The following ARHGAP10 variants were observed in gnomAD, a reference collection of about 807,000 sequenced individuals.
The protein encoded by ARHGAP10 is rho GTPase-activating protein 10.
Under a neutral mutation model 108.6 loss-of-function variants are expected in ARHGAP10, and 87 were observed. The observed-to-expected ratio is 0.80, with a 90% confidence interval of 0.67 to 0.96. ARHGAP10 has a LOEUF of 0.96. ARHGAP10 is among the 40% of genes least tolerant of loss of function. The pLI, the probability that ARHGAP10 is intolerant of heterozygous loss-of-function variation, is 0.00. For missense variants in ARHGAP10, 939 were observed against 954.5 expected, an observed-to-expected ratio of 0.98 and a Z score of 0.21; for synonymous variants, 347 against 341.1, an observed-to-expected ratio of 1.02 and a Z score of -0.19.
At chr4:147,982,546 CTTTTTTTTTTTTTT>C (rs753773443) in intron 18 of ARHGAP10, among the ~76,000 whole-genome samples, 2 of 66,270 alleles carry the variant, frequency 3.0e-5, no homozygotes, top group Non-Finnish European at 5.2e-5. Context: ...CCAGCTAAAT[CTTTTTTTTTTTTTT>C]TTTTTTTTTT....
chr4:147,998,770 A>G (rs1488419521), intron 18 of ARHGAP10, among the ~76,000 whole-genome samples: 1 of 152,244 alleles, frequency 6.6e-6, no homozygotes, highest in Non-Finnish European at 1.5e-5. Flanking sequence ...TTAATTCGTG[A>G]TACCATACTT....
At chr4:147,871,845 A>G (rs116479357) in intron 7 of ARHGAP10, among the ~76,000 whole-genome samples, 2,519 of 152,282 alleles carry the variant, frequency 0.017, 65 homozygotes, top group African/African-American at 0.056. Context: ...TCACGCCTAT[A>G]ATCCCAGCAC....
chr4:147,809,760 T>A (rs1046741451), intron 1 of ARHGAP10, among the ~76,000 whole-genome samples: 5 of 152,144 alleles, frequency 3.3e-5, no homozygotes, highest in African/African-American at 1.2e-4. Flanking sequence ...TGCATGACAT[T>A]TATCATTAGA....
At chr4:147,810,225 A>G (rs941056085) in intron 1 of ARHGAP10, among the ~76,000 whole-genome samples, 1 of 152,226 alleles carries the variant, frequency 6.6e-6, no homozygotes, top group Non-Finnish European at 1.5e-5. Flanking sequence ...ATTGTTCGAA[A>G]CATAGTTGGC....
intron 8 of ARHGAP10, among the ~76,000 whole-genome samples, chr4:147,878,105 T>TA (rs1316198211): frequency 6.7e-6 from 1 of 148,730 alleles, no homozygotes; most frequent in Non-Finnish European, 1.5e-5. Flanking sequence ...CCCAGCTAAT[T>TA]TTTTTTTTTT....
chr4:147,766,307 C>T (rs980379030), intron 1 of ARHGAP10, among the ~76,000 whole-genome samples: 8 of 150,190 alleles, frequency 5.3e-5, no homozygotes, highest in African/African-American at 1.5e-4. Flanking sequence ...TAAAAAAGGT[C>T]GTATTTGCAT....
chr4:147,847,089 C>CG, intron 3 of ARHGAP10, 62 bp from the exon 4 acceptor site: 1 of 1,379,398 alleles, frequency 7.2e-7, no homozygotes, highest in South Asian at 1.2e-5. Flanking sequence ...AAATGAAATA[C>CG]TAATTTTTTC....
chr4:148,054,214 G>A (rs1460457124), intron 20 of ARHGAP10, among the ~76,000 whole-genome samples: 1 of 152,216 alleles, frequency 6.6e-6, no homozygotes, highest in Non-Finnish European at 1.5e-5. Flanking sequence ...CGTTTACATT[G>A]GTAAGTCACT....
chr4:147,811,193 G>C (rs1732001417), intron 1 of ARHGAP10, among the ~76,000 whole-genome samples: 1 of 152,202 alleles, frequency 6.6e-6, no homozygotes, highest in Non-Finnish European at 1.5e-5. Context: ...GCAACCCTCA[G>C]TCCCACCCAA....
chr4:148,060,942 T>G (rs1020813442), intron 20 of ARHGAP10, among the ~76,000 whole-genome samples: 6 of 152,134 alleles, frequency 3.9e-5, no homozygotes, highest in Non-Finnish European at 8.8e-5. Context: ...TGTTCCTGTT[T>G]TGGGATGAGA....
intron 1 of ARHGAP10, among the ~76,000 whole-genome samples, chr4:147,810,044 A>G (rs549876569): frequency 6.6e-6 from 1 of 152,362 alleles, no homozygotes; most frequent in Non-Finnish European, 1.5e-5. Flanking sequence ...CACATATAGT[A>G]TCTCTTTATA....
chr4:147,764,640 T>C (rs1729721034), intron 1 of ARHGAP10, among the ~76,000 whole-genome samples: 1 of 152,138 alleles, frequency 6.6e-6, no homozygotes, highest in Admixed American at 6.5e-5. Context: ...TTCAAGGGAT[T>C]CTCGTGCCTC....
At chr4:147,906,106 G>C (rs1736476583) in intron 10 of ARHGAP10, among the ~76,000 whole-genome samples, 1 of 152,136 alleles carries the variant, frequency 6.6e-6, no homozygotes, top group African/African-American at 2.4e-5. Context: ...TGCTGAAGGT[G>C]CATCTTTTCT....
intron 1 of ARHGAP10, among the ~76,000 whole-genome samples, chr4:147,785,459 T>C (rs1296249295): frequency 6.6e-6 from 1 of 152,164 alleles, no homozygotes; most frequent in African/African-American, 2.4e-5. Context: ...GTGTAACTTT[T>C]AGAACACAAA....
chr4:148,000,197 G>A (rs538403918), intron 18 of ARHGAP10, among the ~76,000 whole-genome samples: 4 of 152,014 alleles, frequency 2.6e-5, no homozygotes, highest in South Asian at 2.1e-4. Flanking sequence ...TTGTCCTTGC[G>A]ATAGTTTGCT....
intron 7 of ARHGAP10, 92 bp from the exon 8 acceptor site, chr4:147,874,929 A>G: frequency 3.1e-6 from 4 of 1,297,908 alleles, no homozygotes; most frequent in Non-Finnish European, 4.0e-6. Flanking sequence ...GAGTTAAAAA[A>G]TGTAATTACA....
chr4:147,925,530 T>C (rs1000892054), intron 13 of ARHGAP10, among the ~76,000 whole-genome samples: 1 of 152,210 alleles, frequency 6.6e-6, no homozygotes, highest in Admixed American at 6.5e-5. Flanking sequence ...CCAGCTTACT[T>C]TAATACTTAC....
At chr4:147,916,051 T>C (rs892770435) in intron 13 of ARHGAP10, among the ~76,000 whole-genome samples, 3 of 152,150 alleles carry the variant, frequency 2.0e-5, no homozygotes, top group African/African-American at 7.2e-5. Context: ...GAGGCTACAG[T>C]GAGCTTGGAA....
rs373746158 is a variant in ARHGAP10, at chr4:147,933,423, CTG to C, written c.1229-6399_1229-6398del. On this transcript the variant is annotated intron_variant, in intron 13 of 22. Coordinates refer to ENST00000336498, the MANE Select transcript of ARHGAP10 (RefSeq NM_024605.4). Reference sequence around the variant, plus strand: ...ATGCTCTCGATGCTTGTGACAGTGTCTGTGCATTGAGGGATTAGCTGTTTATT... The same window carrying C: ...ATGCTCTCGATGCTTGTGACAGTGTCTGCATTGAGGGATTAGCTGTTTATT... 5.2e-3 allele frequency among the ~76,000 whole-genome samples: 787 copies of C among 152,282 alleles called. 7 individuals are homozygous for C. Among genetic ancestry groups the C allele is most frequent in the Middle Eastern group, 0.017 (5 of 294 alleles).
Sources: allele counts gnomAD v4.1 joint callset (sites outside exome capture counted in the v4.1 genomes callset), GRCh38; gene constraint gnomAD v4.1.1; transcripts MANE v1.5; gene names NCBI Gene and HGNC (gene_info 2026-07-23, HGNC 2026-07-21).